NRP2: variants seen among roughly 807,000 people sequenced by gnomAD.
The protein encoded by NRP2 is neuropilin-2.
A neutral mutation model predicts 110.4 loss-of-function variants in NRP2; 52 were observed. The ratio of observed to expected loss-of-function variants is 0.47; its 90% confidence interval spans 0.38 to 0.59. NRP2 has a LOEUF of 0.59. Among genes scored for constraint, NRP2 ranks in the 20% least tolerant of loss-of-function variants. NRP2 has a pLI of 0.00. For synonymous variants in NRP2, 508 were observed against 468.9 expected (o/e 1.08, Z -1.08); for missense variants, 1,049 against 1,203.0 (o/e 0.87, Z 1.89).
chr2:205,728,557 G>A (rs953829187), intron 7 of NRP2, among the ~76,000 whole-genome samples: 8 of 152,228 alleles, frequency 5.3e-5, no homozygotes, highest in Admixed American at 4.6e-4. Flanking sequence ...CTCTGAACTG[G>A]CAATCATGCT....
chr2:205,744,097 TC>T (rs1339057800), intron 9 of NRP2, among the ~76,000 whole-genome samples: 4 of 152,110 alleles, frequency 2.6e-5, no homozygotes, highest in African/African-American at 9.7e-5. Flanking sequence ...TTTTTGTCAC[TC>T]CCATTTTAGA....
intron 7 of NRP2, among the ~76,000 whole-genome samples, chr2:205,739,535 G>A (rs1282684676): frequency 7.9e-5 from 12 of 152,274 alleles, no homozygotes; most frequent in East Asian, 3.9e-4. Context: ...GATGGTTGCA[G>A]AGTTGGCTGT....
Position 205,776,160 on chromosome 2 carries a change from G to C in NRP2, c.2425+9357G>C, listed in dbSNP as rs771527300. The C allele has an allele frequency of 3.8e-6, 5 of 1,308,646 alleles. No individual in the cohort carries two copies. The East Asian group carries it at 1.1e-4, about 30-fold the overall frequency. The allele number at this position is 1,308,646 out of a possible 1,614,324, so 81.1% of individuals were successfully genotyped here. ...CTTCCCTGTATGTCCCAAAGCATGT[G>C]TGTGTTTCTTTCTTTTTTTAAATTA... On this transcript the variant is annotated intron_variant, in intron 15 of 16. Coordinates refer to ENST00000357785, the MANE Select transcript of NRP2 (RefSeq NM_003872.3).
At chr2:205,717,472 A>G (rs2105796097) in intron 3 of NRP2, among the ~76,000 whole-genome samples, 1 of 152,330 alleles carries the variant, frequency 6.6e-6, no homozygotes, top group Middle Eastern at 3.4e-3. Context: ...AGCACTTTTT[A>G]TATCCACTCT....
At chr2:205,766,647 G>A (rs2057923315) in intron 14 of NRP2, 136 bp from the exon 15 acceptor site, 1 of 754,144 alleles carries the variant, frequency 1.3e-6, no homozygotes, top group Non-Finnish European at 2.3e-6. Context: ...GAAGATGGGG[G>A]GCCCTCTCCA....
rs1231621805 is a variant in NRP2, at chr2:205,731,247, A to G, written c.1146+3201A>G. On this transcript the variant is annotated intron_variant, in intron 7 of 16. Coordinates refer to ENST00000357785, the MANE Select transcript of NRP2 (RefSeq NM_003872.3). ...AGATTATACAAATTGCTTTGCATAC[A>G]TTTCTTCAGAAACCACAAGCAGAAA... Among the ~76,000 whole-genome samples the G allele has an allele frequency of 2.6e-5, 4 of 152,334 alleles. No individual in the cohort carries two copies. In the East Asian group the frequency reaches 5.8e-4, roughly 22 times the overall value.
In NRP2 at chr2:205,746,677, C is replaced by T. The variant is rs569725642; in HGVS notation, c.1786+787C>T. On this transcript the variant is annotated intron_variant, in intron 10 of 16. Transcript: ENST00000357785. ...TGAGCCTGATGCCAGCAGGAGCAGC[C>T]ACCAGCCTGAGCTATCCTGCCCTCC... is the stretch of plus-strand genomic sequence containing the variant. Among the ~76,000 whole-genome samples the T allele has an allele frequency of 4.6e-5, 7 of 152,338 alleles. No individual in the cohort carries two copies. The South Asian group carries it at 6.2e-4, about 14-fold the overall frequency.
At chr2:205,753,176 A>C (rs1385734218) in intron 12 of NRP2, among the ~76,000 whole-genome samples, 2 of 152,328 alleles carry the variant, frequency 1.3e-5, no homozygotes, top group East Asian at 3.9e-4. Flanking sequence ...TCTTGTGATT[A>C]CAGCACAGCC....
intron 15 of NRP2, among the ~76,000 whole-genome samples, chr2:205,768,910 G>A (rs370484158): frequency 3.9e-5 from 6 of 152,214 alleles, no homozygotes; most frequent in South Asian, 4.1e-4. Context: ...ACCTTGGCAC[G>A]TTTTACATGG....
At chr2:205,691,556 A>G (rs2056315744) in intron 1 of NRP2, among the ~76,000 whole-genome samples, 1 of 152,274 alleles carries the variant, frequency 6.6e-6, no homozygotes. Context: ...TTGCTAACCA[A>G]TGGGGAGCCA....
At chr2:205,691,733 T>C (rs959938010) in intron 1 of NRP2, among the ~76,000 whole-genome samples, 17 of 152,206 alleles carry the variant, frequency 1.1e-4, no homozygotes, top group African/African-American at 3.9e-4. Flanking sequence ...CTCTCATCAA[T>C]GGCATCAAAA....
chr2:205,695,510 A>G (rs1009103301), intron 1 of NRP2, among the ~76,000 whole-genome samples: 1 of 151,996 alleles, frequency 6.6e-6, no homozygotes, highest in Admixed American at 6.6e-5. Flanking sequence ...GGAGGGAGAG[A>G]GTGTGGGTAG....
chr2:205,694,283 C>T (rs2105880022), intron 1 of NRP2, among the ~76,000 whole-genome samples: 1 of 152,204 alleles, frequency 6.6e-6, no homozygotes, highest in East Asian at 1.9e-4. Flanking sequence ...AAAATCAGAA[C>T]TTGGTGACTT....
chr2:205,728,058 A>T lies in NRP2; in HGVS notation c.1146+12A>T. On this transcript the variant is annotated intron_variant, in intron 7 of 16. Coordinates refer to ENST00000357785, the MANE Select transcript of NRP2 (RefSeq NM_003872.3). ...GCAAAAACCACAAGGTAAATCCATGATCCTACCTTAAAGGCACATTGGACC... is the reference window on the plus strand; with the variant it reads ...GCAAAAACCACAAGGTAAATCCATGTTCCTACCTTAAAGGCACATTGGACC... 1.9e-6 allele frequency: 3 copies of T among 1,614,034 alleles called. No homozygotes were observed. The highest frequency in any genetic ancestry group is 2.2e-5 in the East Asian group (1 of 44,874).
chr2:205,753,251 T>C (rs148659605), intron 12 of NRP2, among the ~76,000 whole-genome samples: 50 of 152,204 alleles, frequency 3.3e-4, no homozygotes, highest in African/African-American at 1.2e-3. Context: ...AAAGGGACAA[T>C]TGGGAGGCCC....
intron 16 of NRP2, among the ~76,000 whole-genome samples, chr2:205,792,801 C>A (rs543692389): frequency 5.3e-5 from 8 of 152,178 alleles, no homozygotes; most frequent in South Asian, 4.2e-4. Flanking sequence ...TATATTTATT[C>A]CAAGTTCTAT....
chr2:205,781,524 C>G (rs1409412304), intron 15 of NRP2, among the ~76,000 whole-genome samples: 1 of 152,250 alleles, frequency 6.6e-6, no homozygotes, highest in African/African-American at 2.4e-5. Context: ...CTCTTCACGG[C>G]CTCTGCAGTT....
intron 7 of NRP2, among the ~76,000 whole-genome samples, chr2:205,731,089 T>G (rs1228972187): frequency 6.6e-6 from 1 of 152,218 alleles, no homozygotes; most frequent in Non-Finnish European, 1.5e-5. Context: ...CTTTATCCAA[T>G]TCCACATGCC....
intron 15 of NRP2, among the ~76,000 whole-genome samples, chr2:205,774,129 G>A (rs370862552): frequency 2.6e-5 from 4 of 152,120 alleles, no homozygotes; most frequent in East Asian, 3.9e-4. Context: ...AGCTCATATC[G>A]AAAATCCAGC....
Sources: allele counts gnomAD v4.1 joint callset (sites outside exome capture counted in the v4.1 genomes callset), GRCh38; gene constraint gnomAD v4.1.1; transcripts MANE v1.5; gene names NCBI Gene and HGNC (gene_info 2026-07-23, HGNC 2026-07-21).